POMGNT1: variants seen among roughly 807,000 people sequenced by gnomAD.
The protein encoded by POMGNT1 is protein O-linked mannose N-acetylglucosaminyltransferase 1 (beta 1,2-), also known as protein O-linked-mannose beta-1,2-N-acetylglucosaminyltransferase 1.
A neutral mutation model predicts 95.6 loss-of-function variants in POMGNT1; 67 were observed. That is an observed-to-expected ratio of 0.70 (90% CI 0.58 to 0.86). The LOEUF (loss-of-function observed/expected upper bound fraction) is 0.86, where lower values mean the gene tolerates loss of function less well. Ranked by LOEUF, POMGNT1 falls within the 40% of genes least tolerant of loss-of-function variation. The pLI is 0.00. For missense variants in POMGNT1, 719 were observed against 855.2 expected (o/e 0.84, Z 1.99); for synonymous variants, 298 against 317.9 (o/e 0.94, Z 0.66).
chr1:46,202,912 G>GGGGGT (rs1278562069), upstream of POMGNT1, among the ~76,000 whole-genome samples: 2 of 104,738 alleles, frequency 1.9e-5, 1 homozygote, highest in African/African-American at 8.3e-5. Flanking sequence ...CCCCTGGGGG[G>GGGGGT]GGGGGGTGGT....
In POMGNT1 at chr1:46,192,413, G is replaced by A; in HGVS notation, c.1308C>T (p.Asp436=). 3.1e-6 allele frequency: 5 copies of A among 1,614,194 alleles called. No individual in the cohort carries two copies. The highest frequency in any genetic ancestry group is 4.2e-6 in the Non-Finnish European group (5 of 1,180,044). The stretch of plus-strand genomic sequence containing the variant: ...TCTCCACACGGTACAGTAGTGCTGG[G>A]TCCTCAGCCGTGTGTTCATACCCCT... ...NDQGYEHTAE[D]PALLYRVETM... is the part of the protein sequence containing the mutation. The change falls in exon 16 of 22, where the codon GAC becomes GAT. Residue 436 remains aspartate, a synonymous_variant. Transcript: ENST00000371984.
At chr1:46,195,729 T>C (rs1658176167) in intron 6 of POMGNT1, 82 bp downstream of exon 6, 1 of 1,224,774 alleles carries the variant, frequency 8.2e-7, no homozygotes, top group African/African-American at 1.5e-5. Context: ...CCCACTATGT[T>C]ATATGAGGGG....
chr1:46,196,848 ATC>A lies in POMGNT1; in HGVS notation c.236-1_236del. On this transcript the variant is annotated splice_acceptor_variant and coding_sequence_variant, in exon 4 of 22. Coordinates refer to ENST00000371984, the MANE Select transcript of POMGNT1 (RefSeq NM_017739.4). LOFTEE classifies it high-confidence loss of function. This position sits in a 1 kb window ranked among gnomAD's most constrained non-coding sequence, Gnocchi z 4.4. ...GGGGCTCCAGGCGGCCTAGGGCCTC[ATC>A]TGTGGGGTACAACAGGTCATGGAGA... 6.2e-7 allele frequency: 1 copy of A among 1,614,150 alleles called. No individual in the cohort carries two copies. Among genetic ancestry groups the A allele is most frequent in the South Asian group, 1.1e-5 (1 of 91,062 alleles).
exon 1 of POMGNT1, chr1:46,219,965 G>A (rs1571694231): frequency 5.0e-6 from 8 of 1,614,286 alleles, no homozygotes; most frequent in African/African-American, 4.0e-5. Flanking sequence ...CCCCCAGCGA[G>A]CTGGATGAAC....
rs1252975065 is a variant in POMGNT1 at position 46,196,379 on chromosome 1, AAGGT to A, written c.355-306_355-303del. On this transcript the variant is annotated intron_variant, in intron 4 of 21. Coordinates refer to ENST00000371984, the MANE Select transcript of POMGNT1 (RefSeq NM_017739.4). The surrounding 1 kb of genome is among the most constrained non-coding windows in gnomAD (Gnocchi z 4.4). ...AATCCTCCACCACACTGAACCCCTCAAGGTAGGGCCAGGTCTGATTACTTTCAGG... is the reference window on the plus strand; with the variant it reads ...AATCCTCCACCACACTGAACCCCTCAAGGGCCAGGTCTGATTACTTTCAGG... Among the ~76,000 whole-genome samples the A allele has an allele frequency of 2.6e-5, 4 of 152,152 alleles. No individual in the cohort carries two copies. The highest frequency in any genetic ancestry group is 9.7e-5 in the African/African-American group (4 of 41,426).
At chr1:46,205,267 A>G (rs1658675092) in intron 1 of POMGNT1, among the ~76,000 whole-genome samples, 1 of 152,082 alleles carries the variant, frequency 6.6e-6, no homozygotes, top group Non-Finnish European at 1.5e-5. Context: ...CCTGTCTCAA[A>G]AAAAGAAGGG....
intron 1 of POMGNT1, among the ~76,000 whole-genome samples, chr1:46,204,853 G>A (rs1367749701): frequency 6.6e-6 from 1 of 152,340 alleles, no homozygotes; most frequent in African/African-American, 2.4e-5. Flanking sequence ...CTGTCTACTT[G>A]CTTTGAAAAC....
exon 1 of POMGNT1, chr1:46,219,950 A>G (rs778528615): frequency 4.3e-5 from 70 of 1,614,128 alleles, no homozygotes; most frequent in Non-Finnish European, 5.6e-5. Context: ...TCCTGGACAC[A>G]GTGGCCCCCA....
intron 13 of POMGNT1, 87 bp from the exon 14 acceptor site, chr1:46,193,045 C>T (rs111305638): frequency 5.6e-6 from 9 of 1,602,640 alleles, no homozygotes; most frequent in African/African-American, 4.0e-5. Context: ...TTGCAGGCAG[C>T]ATTACCCCCA....
chr1:46,193,360 C>T lies in POMGNT1; in HGVS notation c.1055G>A (p.Gly352Asp), dbSNP rs1195736220. The T allele has an allele frequency of 3.1e-6, 5 of 1,613,252 alleles. 1 individual carries two copies. The highest frequency in any genetic ancestry group is 4.2e-6 in the Non-Finnish European group (5 of 1,179,640). Residue 352 changes from glycine (G) to aspartate (D), a missense_variant, in exon 12 of 22, where the codon GGT becomes GAT. Physicochemically the swap from Gly to Asp is moderately conservative, Grantham distance 94 (BLOSUM62 -1). Around this residue, in one of 5 missense-constraint regions of POMGNT1, gnomAD observed 466 missense variants for 517.4 expected, o/e 0.90. Coordinates refer to ENST00000371984, the MANE Select transcript of POMGNT1 (RefSeq NM_017739.4). ...GGGAGTATGCTGGATGCCCCTCAGA[C>T]CAAACAGTGCCACCACATCCATGGG... ...EEPMDVVALF[G>D]LRGIQHTPIS...
chr1:46,210,828 A>G (rs1322267232), intron 1 of POMGNT1, among the ~76,000 whole-genome samples: 2 of 152,032 alleles, frequency 1.3e-5, no homozygotes, highest in Admixed American at 6.6e-5. Flanking sequence ...AGGTTGGAGT[A>G]CAGTGGCTCA....
chr1:46,202,920 G>GTGGTGTGTGTGTGTGTGTGTGT (rs540959987), upstream of POMGNT1, among the ~76,000 whole-genome samples: 21 of 64,514 alleles, frequency 3.3e-4, 1 homozygote, highest in African/African-American at 1.3e-3. Flanking sequence ...GGGGGGGGGT[G>GTGGTGTGTGTGTGTGTGTGTGT]GTGTGTGTGT....
At position 46,192,510 on chromosome 1, in the gene POMGNT1, C is replaced by T. The variant is rs761259999; in HGVS notation, c.1284+8G>A. The T allele has an allele frequency of 3.5e-5, 57 of 1,614,158 alleles. No homozygotes were observed. Among genetic ancestry groups the T allele is most frequent in the Non-Finnish European group, 4.4e-5 (52 of 1,180,022 alleles). On this transcript the variant is annotated splice_region_variant and intron_variant, in intron 15 of 21. Transcript: ENST00000371984. ...CTCGCCTGCTAAACCCTGGTCATTC[C>T]AGCCTACCTGGTCATTCCAGGCAGA...
chr1:46,212,416 G>A (rs566424185), intron 1 of POMGNT1, among the ~76,000 whole-genome samples: 1 of 151,996 alleles, frequency 6.6e-6, no homozygotes, highest in Admixed American at 6.6e-5. Context: ...CAGCAGCTGG[G>A]ACTACAGGCG....
Position 46,198,412 on chromosome 1 carries a change from T to C in POMGNT1, c.-127A>G, listed in dbSNP as rs1170645268. 6.6e-6 allele frequency: 1 copy of C among 151,018 alleles called. No homozygotes were observed. The highest frequency in any genetic ancestry group is 1.5e-5 in the Non-Finnish European group (1 of 67,406). 9.4% of individuals were successfully genotyped at this position (151,018 alleles called of 1,614,324 possible). A position where few individuals can be genotyped will look rare whatever the true frequency, so the allele number is the denominator to read the frequency against. ...GGCCCGGCTCGCCGCGGCCTCCGCC[T>C]CCTCCATGCCGCTTGCGGCCCCGCC... On this transcript the variant is annotated 5_prime_UTR_variant, in exon 1 of 22. Transcript: ENST00000371984.
At chr1:46,203,378 G>T, upstream of POMGNT1, 2 of 1,428,612 alleles carry the variant, frequency 1.4e-6, no homozygotes, top group East Asian at 2.7e-5. Flanking sequence ...ACCCCCGGGA[G>T]CCGGTCCCCG....
In POMGNT1 at chr1:46,189,459, A is replaced by C; in HGVS notation, c.1894T>G (p.Ser632Ala). The C allele has an allele frequency of 6.2e-7, 1 of 1,613,602 alleles. No homozygotes were observed. Among genetic ancestry groups the C allele is most frequent in the Non-Finnish European group, 8.5e-7 (1 of 1,179,778 alleles). ...LMVGVPASPY[S>A]VKKPPSVTPI... ...CCAGGGCAGAAAAGGGTCACTCACG[A>C]GTAGGGGGAAGCCGGGACCCCCACC... The change falls in exon 21 of 22, where the codon TCA (serine) becomes GCA (alanine). Residue 632 changes from serine to alanine, a missense_variant and splice_region_variant. By Grantham distance (99) the Ser-to-Ala change is moderately conservative. Around this residue, in one of 5 missense-constraint regions of POMGNT1, gnomAD observed 130 missense variants for 149.2 expected, o/e 0.87. Coordinates refer to ENST00000371984, the MANE Select transcript of POMGNT1 (RefSeq NM_017739.4).
intron 13 of POMGNT1, 94 bp from the exon 14 acceptor site, chr1:46,193,052 C>T: frequency 6.2e-7 from 1 of 1,603,410 alleles, no homozygotes; most frequent in Admixed American, 1.7e-5. Context: ...CAGCATTACC[C>T]CCATTTTCCA....
In POMGNT1 at chr1:46,192,552, T is replaced by TC; in HGVS notation, c.1249dup (p.Asp417GlyfsTer11). Reference sequence around the variant, plus strand: ...CCAGGCAGAGATGCAGTACAGGCTGTCATCCTCCTCCAGTAGGTGGATGGA... The same window carrying TC: ...CCAGGCAGAGATGCAGTACAGGCTGTCCATCCTCCTCCAGTAGGTGGATGGA... On this transcript the variant is annotated frameshift_variant, in exon 15 of 22. Coordinates refer to ENST00000371984, the MANE Select transcript of POMGNT1 (RefSeq NM_017739.4). LOFTEE classifies it high-confidence loss of function. The TC allele has an allele frequency of 1.2e-6, 2 of 1,614,176 alleles. No homozygotes were observed. The highest frequency in any genetic ancestry group is 1.7e-6 in the Non-Finnish European group (2 of 1,180,032).
Sources: allele counts gnomAD v4.1 joint callset (sites outside exome capture counted in the v4.1 genomes callset), GRCh38; gene constraint gnomAD v4.1.1; regional missense constraint gnomAD v4.1.1; non-coding constraint Gnocchi (gnomAD v3.1); transcripts MANE v1.5; gene names NCBI Gene and HGNC (gene_info 2026-07-23, HGNC 2026-07-21).